The following SMOC2 variants were observed in gnomAD, a reference collection of about 807,000 sequenced individuals.
SMOC2 encodes the protein SPARC related modular calcium binding 2.
A neutral mutation model predicts 61.4 loss-of-function variants in SMOC2; 39 were observed. That is an observed-to-expected ratio of 0.64 (90% confidence interval 0.49 to 0.83). The LOEUF (loss-of-function observed/expected upper bound fraction) is 0.83, where lower values mean the gene tolerates loss of function less well. Among genes scored for constraint, SMOC2 ranks in the 40% least tolerant of loss-of-function variants. The pLI is 0.00. For missense variants in SMOC2, 556 were observed against 592.9 expected (o/e 0.94, Z 0.65); for synonymous variants, 247 against 239.9 (o/e 1.03, Z -0.27).
At chr6:168,576,173 T>G (rs527316942) in intron 7 of SMOC2, among the ~76,000 whole-genome samples, 2 of 152,248 alleles carry the variant, frequency 1.3e-5, no homozygotes, top group African/African-American at 2.4e-5. Context: ...GTAGGTTTCC[T>G]CAACTCTGCT....
At chr6:168,443,538 A>T (rs1393637221) in intron 1 of SMOC2, among the ~76,000 whole-genome samples, 2 of 152,184 alleles carry the variant, frequency 1.3e-5, no homozygotes, top group African/African-American at 2.4e-5. Flanking sequence ...TAAAGCCATA[A>T]CACATTTTGG....
intron 1 of SMOC2, among the ~76,000 whole-genome samples, chr6:168,458,811 C>A (rs1364968104): frequency 1.3e-5 from 2 of 152,164 alleles, no homozygotes; most frequent in African/African-American, 4.8e-5. Context: ...GTCTGAACGC[C>A]CACTCCTCGG....
intron 1 of SMOC2, among the ~76,000 whole-genome samples, chr6:168,445,170 A>G (rs1469398049): frequency 1.3e-5 from 2 of 152,196 alleles, no homozygotes; most frequent in Non-Finnish European, 2.9e-5. Context: ...TCATCCTGCC[A>G]TTATTTTTCT....
In SMOC2 at chr6:168,666,662, C is replaced by T; in HGVS notation, c.*224C>T. ...TACAATGTATGTGTCCTCTTTTGAC[C>T]TTGGAAATCTGTATGTGGTGGAGAA... On this transcript the variant is annotated 3_prime_UTR_variant, in exon 13 of 13. Coordinates refer to ENST00000356284, the MANE Select transcript of SMOC2 (RefSeq NM_001166412.2). The T allele has an allele frequency of 1.7e-6, 1 of 583,430 alleles. No homozygotes were observed. Among genetic ancestry groups the T allele is most frequent in the Non-Finnish European group, 3.1e-6 (1 of 324,098 alleles). The allele number at this position is 583,430 out of a possible 1,614,324, so 36.1% of individuals were successfully genotyped here.
chr6:168,495,524 G>A (rs1447272757), intron 1 of SMOC2, among the ~76,000 whole-genome samples: 1 of 152,148 alleles, frequency 6.6e-6, no homozygotes, highest in Non-Finnish European at 1.5e-5. Flanking sequence ...AGCACCTCCC[G>A]AACGATAAAT....
chr6:168,648,968 G>A (rs1583186325), intron 9 of SMOC2, among the ~76,000 whole-genome samples: 2 of 152,064 alleles, frequency 1.3e-5, no homozygotes, highest in Admixed American at 1.3e-4. Flanking sequence ...ACGTGCCCTT[G>A]ACCCAGGGGT....
At chr6:168,591,971 G>C (rs1348777517) in intron 7 of SMOC2, among the ~76,000 whole-genome samples, 1 of 151,986 alleles carries the variant, frequency 6.6e-6, no homozygotes, top group African/African-American at 2.4e-5. Flanking sequence ...TGGAAGCGTA[G>C]CCTACTCCAT....
At chr6:168,547,682 A>T (rs912996799) in intron 6 of SMOC2, among the ~76,000 whole-genome samples, 1 of 152,072 alleles carries the variant, frequency 6.6e-6, no homozygotes, top group Non-Finnish European at 1.5e-5. Flanking sequence ...GGCTGTAGAA[A>T]TAATTTCACT....
chr6:168,663,693 C>A (rs1787578281), intron 11 of SMOC2, among the ~76,000 whole-genome samples: 1 of 152,100 alleles, frequency 6.6e-6, no homozygotes, highest in Non-Finnish European at 1.5e-5. Flanking sequence ...AAACTTGCAT[C>A]AAAAATGCTC....
chr6:168,485,418 A>G (rs750026605), intron 1 of SMOC2, among the ~76,000 whole-genome samples: 2 of 152,228 alleles, frequency 1.3e-5, no homozygotes, highest in African/African-American at 4.8e-5. Flanking sequence ...GGTGAAATCA[A>G]CCTGAATATT....
At chr6:168,441,527 C>G (rs1197073463) in intron 1 of SMOC2, 73 bp downstream of exon 1, 2 of 1,414,846 alleles carry the variant, frequency 1.4e-6, no homozygotes, top group Non-Finnish European at 1.8e-6. Flanking sequence ...CGGGTCCCCG[C>G]GCCCCGCTCC....
At chr6:168,635,765 G>A (rs1786699578) in intron 9 of SMOC2, among the ~76,000 whole-genome samples, 1 of 151,922 alleles carries the variant, frequency 6.6e-6, no homozygotes, top group African/African-American at 2.4e-5. Context: ...CAGCTACTTG[G>A]GAGGCTGAGG....
chr6:168,661,695 TC>T (rs1307212582), intron 11 of SMOC2, among the ~76,000 whole-genome samples: 2 of 152,134 alleles, frequency 1.3e-5, no homozygotes, highest in African/African-American at 4.8e-5. Flanking sequence ...TACTTCTAAC[TC>T]CCAGGGAGAA....
chr6:168,484,109 C>T (rs1562550630), intron 1 of SMOC2, among the ~76,000 whole-genome samples: 1 of 151,944 alleles, frequency 6.6e-6, no homozygotes. Flanking sequence ...AAGAAAAATT[C>T]AAAAATTGGT....
At chr6:168,597,886 A>G (rs1785372061) in intron 7 of SMOC2, among the ~76,000 whole-genome samples, 1 of 152,202 alleles carries the variant, frequency 6.6e-6, no homozygotes, top group Non-Finnish European at 1.5e-5. Flanking sequence ...ATTCTCAGGT[A>G]TTCCTGGCTT....
intron 11 of SMOC2, among the ~76,000 whole-genome samples, chr6:168,660,882 G>A (rs1404524637): frequency 6.6e-6 from 1 of 152,240 alleles, no homozygotes; most frequent in Non-Finnish European, 1.5e-5. Context: ...TGTCTTAGGT[G>A]AAAAGTTTAA....
At position 168,510,006 on chromosome 6, in the gene SMOC2, C is replaced by T. The variant is rs371520228; in HGVS notation, c.176C>T (p.Thr59Ile). The T allele has an allele frequency of 1.7e-5, 28 of 1,614,108 alleles. No individual in the cohort carries two copies. The highest frequency in any genetic ancestry group is 2.2e-5 in the Non-Finnish European group (26 of 1,180,048). The change falls in exon 2 of 13, where the codon ACC becomes ATC. Residue 59 changes from threonine to isoleucine, a missense_variant. Transcript: ENST00000356284. ...CCTCTCTGCGCATCTGACGGAAGGA[C>T]CTTCCTTTCCCGTTGTGAATTTCAA... ...QKPLCASDGR[T>I]FLSRCEFQRA... is the part of the protein sequence containing the mutation.
intron 11 of SMOC2, among the ~76,000 whole-genome samples, chr6:168,660,759 G>A (rs1787488438): frequency 6.6e-6 from 1 of 152,244 alleles, no homozygotes; most frequent in African/African-American, 2.4e-5. Flanking sequence ...CCTTCCAAAG[G>A]CCCGAGCCGC....
intron 1 of SMOC2, among the ~76,000 whole-genome samples, chr6:168,476,635 T>C (rs1366089362): frequency 1.3e-5 from 2 of 152,022 alleles, no homozygotes; most frequent in African/African-American, 4.8e-5. Context: ...TATATATAGA[T>C]GTGTGTGTGT....
Sources: gnomAD v4.1 joint callset for allele counts (sites outside exome capture counted in the v4.1 genomes callset) on GRCh38, gnomAD v4.1.1 for gene constraint, MANE v1.5 for transcripts, NCBI Gene and HGNC (gene_info 2026-07-23, HGNC 2026-07-21) for gene names.